The following HECW1 variants were observed in gnomAD, a reference collection of about 807,000 sequenced individuals.
HECW1 encodes HECT, C2 and WW domain containing E3 ubiquitin protein ligase 1.
HECW1 carries 61 observed loss-of-function variants against 182.3 expected under a neutral mutation model. The ratio of observed to expected loss-of-function variants is 0.33; its 90% CI spans 0.27 to 0.41. HECW1 has a LOEUF of 0.41. Ranked by LOEUF, HECW1 falls within the 10% of genes least tolerant of loss-of-function variation. The pLI is 1.00. For missense variants in HECW1, 1,739 were observed against 2,108.9 expected, an observed-to-expected ratio of 0.82 and a Z score of 3.44; for synonymous variants, 859 against 832.6, an observed-to-expected ratio of 1.03 and a Z score of -0.55.
intron 4 of HECW1, among the ~76,000 whole-genome samples, chr7:43,318,763 A>G (rs1323596957): frequency 6.6e-6 from 1 of 152,192 alleles, no homozygotes. Flanking sequence ...GTCAGGAGAG[A>G]AAAGGGCAAT....
chr7:43,450,807 T>C (rs1330142305), intron 11 of HECW1, 21 bp from the exon 12 acceptor site: 54 of 1,459,522 alleles, frequency 3.7e-5, no homozygotes, highest in Non-Finnish European at 4.9e-5. Context: ...AATCTGAATG[T>C]ATTGACTATC....
At chr7:43,198,013 G>A (rs1262426483) in intron 2 of HECW1, among the ~76,000 whole-genome samples, 1 of 151,298 alleles carries the variant, frequency 6.6e-6, no homozygotes, top group Admixed American at 6.6e-5. Context: ...GACCCTCAAC[G>A]CACACACTCC....
At chr7:43,274,652 A>AGAGAGAGAGAGC (rs890302052) in intron 3 of HECW1, 8 of 339,594 alleles carry the variant, frequency 2.4e-5, no homozygotes, top group Non-Finnish European at 4.5e-5. Context: ...AGGGAGAGAG[A>AGAGAGAGAGAGC]GAGAGAGAGA....
At chr7:43,325,735 C>T (rs1382776948) in intron 5 of HECW1, among the ~76,000 whole-genome samples, 1 of 152,170 alleles carries the variant, frequency 6.6e-6, no homozygotes, top group Non-Finnish European at 1.5e-5. Flanking sequence ...CCCCGCCAGT[C>T]AGCACCACTC....
chr7:43,272,295 C>A (rs1464384809), intron 3 of HECW1, among the ~76,000 whole-genome samples: 1 of 151,916 alleles, frequency 6.6e-6, no homozygotes, highest in African/African-American at 2.4e-5. Flanking sequence ...TTTATAAGTC[C>A]TCAAAAGCAA....
At chr7:43,303,248 C>T (rs1807087430) in intron 3 of HECW1, among the ~76,000 whole-genome samples, 1 of 152,076 alleles carries the variant, frequency 6.6e-6, no homozygotes, top group African/African-American at 2.4e-5. Context: ...TCCAATCATG[C>T]CCCTCCTGGA....
chr7:43,162,472 C>T (rs775984000), intron 2 of HECW1, among the ~76,000 whole-genome samples: 6 of 152,228 alleles, frequency 3.9e-5, no homozygotes, highest in Non-Finnish European at 7.3e-5. Context: ...CTCTCCTCTG[C>T]GTGTCCCTCA....
intron 8 of HECW1, among the ~76,000 whole-genome samples, chr7:43,410,280 G>A (rs185074631): frequency 6.6e-6 from 1 of 152,198 alleles, no homozygotes; most frequent in Admixed American, 6.5e-5. Flanking sequence ...GGGTTCTGGT[G>A]AGGGCCTCTT....
At chr7:43,216,505 A>G (rs926880358) in intron 2 of HECW1, among the ~76,000 whole-genome samples, 1 of 152,136 alleles carries the variant, frequency 6.6e-6, no homozygotes, top group African/African-American at 2.4e-5. Context: ...CATCCACCTT[A>G]GCCATCAGCA....
In HECW1 at chr7:43,243,886, C is replaced by T. The variant is rs199936484; in HGVS notation, c.-20C>T. ...GGACTTTTCCCCAGGAATTGATGCG[C>T]GTACACGTGGTGGGTCATTATGCTG... is the stretch of plus-strand genomic sequence containing the variant. On this transcript the variant is annotated 5_prime_UTR_variant, in exon 3 of 30. Transcript: ENST00000395891. The surrounding 1 kb of genome is among the most constrained non-coding windows in gnomAD (Gnocchi z 4.0). 4.0e-5 allele frequency: 65 copies of T among 1,613,034 alleles called. 1 individual carries two copies. The South Asian group carries it at 4.7e-4, about 12-fold the overall frequency.
intron 2 of HECW1, among the ~76,000 whole-genome samples, chr7:43,154,916 T>G (rs573235826): frequency 6.6e-6 from 1 of 152,334 alleles, no homozygotes; most frequent in African/African-American, 2.4e-5. Flanking sequence ...TATGTAAACT[T>G]AGAACTGGAA....
chr7:43,445,254 C>A lies in HECW1; in HGVS notation c.2082C>A (p.Ser694Arg), dbSNP rs1160658214. The A allele has an allele frequency of 6.2e-7, 1 of 1,612,402 alleles. No homozygotes were observed. The highest frequency in any genetic ancestry group is 1.3e-5 in the African/African-American group (1 of 74,930). ...CGTGCTACAGCACGTCCTGCTACAGCAGCTCGTGCTACAGCGCCTCGTGCT... is the reference window on the plus strand; with the variant it reads ...CGTGCTACAGCACGTCCTGCTACAGAAGCTCGTGCTACAGCGCCTCGTGCT... ...SSSCYSTSCY[S>R]SSCYSASCYS... Residue 694 changes from serine (S) to arginine (R), a missense_variant, in exon 11 of 30, where the codon AGC becomes AGA. Ser to Arg is a moderately radical substitution (Grantham distance 110). Around this residue, in one of 5 missense-constraint regions of HECW1, gnomAD observed 971 missense variants for 1,029.1 expected, o/e 0.94. Coordinates refer to ENST00000395891, the MANE Select transcript of HECW1 (RefSeq NM_015052.5).
At chr7:43,460,432 T>C (rs2077542035) in intron 13 of HECW1, among the ~76,000 whole-genome samples, 1 of 152,204 alleles carries the variant, frequency 6.6e-6, no homozygotes, top group Non-Finnish European at 1.5e-5. Flanking sequence ...TTGTCTGTTC[T>C]TGGGCTTTTT....
chr7:43,415,087 A>T (rs2075944436), intron 8 of HECW1, among the ~76,000 whole-genome samples: 4 of 149,102 alleles, frequency 2.7e-5, no homozygotes, highest in Admixed American at 2.0e-4. Context: ...TTAGCTGGTT[A>T]TTTTGCTCGT....
At chr7:43,274,281 G>C (rs562246314) in intron 3 of HECW1, 2 of 1,020,928 alleles carry the variant, frequency 2.0e-6, no homozygotes, top group Non-Finnish European at 2.8e-6. Context: ...TCGTCGCCAA[G>C]TCCCGCTTCT....
chr7:43,355,353 T>C (rs2152808606), intron 5 of HECW1, among the ~76,000 whole-genome samples: 1 of 152,224 alleles, frequency 6.6e-6, no homozygotes, highest in South Asian at 2.1e-4. Context: ...GATAAATTGA[T>C]CAAAAACAGT....
chr7:43,304,264 C>T (rs1198538880), intron 3 of HECW1, among the ~76,000 whole-genome samples: 1 of 152,014 alleles, frequency 6.6e-6, no homozygotes, highest in Non-Finnish European at 1.5e-5. Context: ...CAGGGATTCC[C>T]GGTGCTTCTG....
intron 2 of HECW1, among the ~76,000 whole-genome samples, chr7:43,237,142 T>G (rs374744935): frequency 9.6e-4 from 40 of 41,470 alleles, no homozygotes; most frequent in African/African-American, 3.1e-3. Context: ...AGGAAGGAAG[T>G]AGGTAGGTAG....
In HECW1 at chr7:43,456,408, G is replaced by C; in HGVS notation, c.2612G>C (p.Arg871Thr). 1.2e-6 allele frequency: 2 copies of C among 1,614,106 alleles called. No homozygotes were observed. Among genetic ancestry groups the C allele is most frequent in the South Asian group, 2.2e-5 (2 of 91,030 alleles). ...GCAGCCACCCCGGATGGCATGCGGA[G>C]ATCGGGGTCCATCCAGCAGATGGAG... is the stretch of plus-strand genomic sequence containing the variant. ...TAAATPDGMRRSGSIQQMEQL... is the reference protein window; with the variant it reads ...TAAATPDGMRTSGSIQQMEQL... Residue 871 changes from arginine to threonine, a missense_variant, in exon 13 of 30, where the codon AGA becomes ACA. Arg to Thr is a moderately conservative substitution (Grantham distance 71, BLOSUM62 -1). This residue lies in a region of HECW1 where 971 missense variants were observed against 1,029.1 expected (regional missense o/e 0.94). Coordinates refer to ENST00000395891, the MANE Select transcript of HECW1 (RefSeq NM_015052.5).
Sources: gnomAD v4.1 joint callset for allele counts (sites outside exome capture counted in the v4.1 genomes callset) on GRCh38, gnomAD v4.1.1 for gene constraint, gnomAD v4.1.1 regional missense constraint, Gnocchi (gnomAD v3.1) non-coding constraint, MANE v1.5 for transcripts, NCBI Gene and HGNC (gene_info 2026-07-23, HGNC 2026-07-21) for gene names.